Variants in EGFL6 observed in about 807,000 individuals in gnomAD.
EGFL6 encodes epidermal growth factor-like protein 6.
A neutral mutation model predicts 43.1 loss-of-function variants in EGFL6; 42 were observed. That is an observed-to-expected ratio of 0.98 (90% confidence interval 0.76 to 1.26). EGFL6 has a LOEUF of 1.26. Ranked by LOEUF, EGFL6 falls within the 50% of genes most tolerant of loss-of-function variation. EGFL6 has a pLI of 0.00. For synonymous variants in EGFL6, 164 were observed against 163.2 expected, an observed-to-expected ratio of 1.01 and a Z score of -0.04; for missense variants, 429 against 427.8, an observed-to-expected ratio of 1.00 and a Z score of -0.02.
intron 2 of EGFL6, among the ~76,000 whole-genome samples, chrX:13,593,135 A>C (rs1019531122): frequency 9.1e-6 from 1 of 109,935 alleles, no homozygotes; most frequent in Non-Finnish European, 1.9e-5. Context: ...GGCTGGTCTC[A>C]AACTCCTGAC....
At chrX:13,584,230 C>A (rs1206568872) in intron 1 of EGFL6, among the ~76,000 whole-genome samples, 1 of 111,437 alleles carries the variant, frequency 9.0e-6, no homozygotes, top group Non-Finnish European at 1.9e-5. Context: ...TCCTGACCAC[C>A]ATGTTATGCA....
intron 4 of EGFL6, among the ~76,000 whole-genome samples, 186 bp downstream of exon 4, chrX:13,600,280 CTTTTTTT>C (rs1231725425): frequency 6.3e-4 from 28 of 44,279 alleles, no homozygotes; most frequent in Non-Finnish European, 9.0e-4. Context: ...TTTCTTTCTT[CTTTTTTT>C]TTTTTTTTTT....
chrX:13,583,100 C>T (rs1409065338), intron 1 of EGFL6, among the ~76,000 whole-genome samples: 2 of 109,754 alleles, frequency 1.8e-5, no homozygotes, highest in Admixed American at 9.7e-5. Context: ...TTTCTTTTGC[C>T]CCCTGCTGTT....
chrX:13,585,557 T>G (rs1169698968), intron 1 of EGFL6, among the ~76,000 whole-genome samples: 2 of 111,011 alleles, frequency 1.8e-5, no homozygotes, highest in Non-Finnish European at 1.9e-5. Flanking sequence ...TATTGAGGAT[T>G]ATACTGATTT....
rs113392785 is a variant in EGFL6 at position 13,602,974 on chromosome X, A to T, written c.401-343A>T. On this transcript the variant is annotated intron_variant, in intron 4 of 11. Transcript: ENST00000361306. Reference sequence around the variant, plus strand: ...TTGATAATCTCCATCAGCAGTTGCAATTCAACCTACTGAGGCCAGCCAGGT... The same window carrying T: ...TTGATAATCTCCATCAGCAGTTGCATTTCAACCTACTGAGGCCAGCCAGGT... Among the ~76,000 whole-genome samples, 529 of 112,152 alleles carry T rather than the reference A, an allele frequency of 4.7e-3. 6 individuals are homozygous for T. The highest frequency in any genetic ancestry group is 0.031 in the Admixed American group (327 of 10,598).
intron 4 of EGFL6, 27 bp from the exon 5 acceptor site, chrX:13,603,290 A>G (rs1478856157): frequency 1.7e-6 from 2 of 1,177,124 alleles, no homozygotes; most frequent in East Asian, 6.1e-5. Flanking sequence ...TCAAGAGAGA[A>G]AGGCTAATCC....
At position 13,569,917 on chromosome X, in the gene EGFL6, G is replaced by C; in HGVS notation, c.56G>C (p.Gly19Ala). The C allele has an allele frequency of 8.3e-7, 1 of 1,212,010 alleles. No individual in the cohort carries two copies. Among genetic ancestry groups the C allele is most frequent in the Non-Finnish European group, 1.1e-6 (1 of 895,404 alleles). ...CTGCTGCTCTCCTGGGTGGCAGGTG[G>C]TTTCGGGAACGCGGCCAGGTGAGTG... ...LPLLLSWVAG[G>A]FGNAASARHH... The change falls in exon 1 of 12, where the codon GGT becomes GCT. Residue 19 changes from glycine (G) to alanine (A), a missense_variant. By Grantham distance (60) the Gly-to-Ala change is moderately conservative. Coordinates refer to ENST00000361306, the MANE Select transcript of EGFL6 (RefSeq NM_015507.4).
chrX:13,587,434 G>A (rs2045539652), intron 1 of EGFL6, among the ~76,000 whole-genome samples: 1 of 110,902 alleles, frequency 9.0e-6, no homozygotes, highest in Admixed American at 9.6e-5. Flanking sequence ...GTTGTACTTG[G>A]GGTACCCATC....
At chrX:13,620,808 C>T (rs192837679) in intron 9 of EGFL6, among the ~76,000 whole-genome samples, 5 of 111,582 alleles carry the variant, frequency 4.5e-5, no homozygotes, top group South Asian at 3.7e-4. Context: ...TGAAGGAATC[C>T]GTTGACTCCT....
intron 5 of EGFL6, among the ~76,000 whole-genome samples, chrX:13,604,544 C>T (rs2045649979): frequency 8.9e-6 from 1 of 111,758 alleles, no homozygotes; most frequent in Non-Finnish European, 1.9e-5. Context: ...GGTATGGAAA[C>T]TTGAGTGCTG....
chrX:13,577,363 G>A (rs1158884909), intron 1 of EGFL6, among the ~76,000 whole-genome samples: 3 of 81,624 alleles, frequency 3.7e-5, no homozygotes, highest in African/African-American at 1.4e-4. Flanking sequence ...CACACATACA[G>A]TATAGCATTT....
chrX:13,584,125 G>C (rs1227834811), intron 1 of EGFL6, among the ~76,000 whole-genome samples: 1 of 111,955 alleles, frequency 8.9e-6, no homozygotes, highest in African/African-American at 3.2e-5. Flanking sequence ...TTTTAGAAAA[G>C]AGATAGCTAA....
Position 13,631,427 on chromosome X carries a change from G to A in EGFL6, c.1552-1558G>A, listed in dbSNP as rs145157584. The stretch of plus-strand genomic sequence containing the variant: ...ATTGAATTTAACAAATATTTCTAGT[G>A]TTTTATCTGATTATAAAATTAACAT... On this transcript the variant is annotated intron_variant, in intron 11 of 11. Transcript: ENST00000361306. Among the ~76,000 whole-genome samples, 29 of 110,484 alleles carry A rather than the reference G, an allele frequency of 2.6e-4. No homozygotes were observed. The East Asian group carries it at 7.8e-3, about 30-fold the overall frequency.
At chrX:13,599,678 G>A (rs2045621073) in intron 3 of EGFL6, among the ~76,000 whole-genome samples, 1 of 108,760 alleles carries the variant, frequency 9.2e-6, no homozygotes, top group South Asian at 4.0e-4. Context: ...GAAATCCCAG[G>A]ACTGGAATTT....
At chrX:13,599,578 TTATC>T (rs760691260) in intron 3 of EGFL6, among the ~76,000 whole-genome samples, 3 of 109,506 alleles carry the variant, frequency 2.7e-5, no homozygotes, top group Non-Finnish European at 5.7e-5. Flanking sequence ...TACAAGTCAT[TTATC>T]TATTCTTCTG....
intron 3 of EGFL6, among the ~76,000 whole-genome samples, chrX:13,598,574 G>GTTA (rs2045613368): frequency 9.2e-6 from 1 of 108,529 alleles, no homozygotes; most frequent in Non-Finnish European, 1.9e-5. Context: ...TGTTGTTGTT[G>GTTA]TTGTTGTTGT....
intron 2 of EGFL6, among the ~76,000 whole-genome samples, chrX:13,591,766 A>G (rs1043953820): frequency 1.8e-5 from 2 of 110,926 alleles, no homozygotes; most frequent in African/African-American, 6.6e-5. Flanking sequence ...CCCTGCCTCT[A>G]TGTATCCTGG....
At position 13,569,940 on chromosome X, in the gene EGFL6, G is replaced by C. The variant is rs768339253; in HGVS notation, c.74+5G>C. 7.4e-6 allele frequency: 9 copies of C among 1,208,963 alleles called. No homozygotes were observed. The highest frequency in any genetic ancestry group is 3.5e-5 in the African/African-American group (2 of 57,452). On this transcript the variant is annotated splice_donor_5th_base_variant and intron_variant, in intron 1 of 11. Transcript: ENST00000361306. ...TGGTTTCGGGAACGCGGCCAGGTGAGTGTCTGACTGGCGATTGGCTTCCCC... is the reference window on the plus strand; with the variant it reads ...TGGTTTCGGGAACGCGGCCAGGTGACTGTCTGACTGGCGATTGGCTTCCCC...
chrX:13,574,376 C>T (rs1292623780), intron 1 of EGFL6, among the ~76,000 whole-genome samples: 2 of 111,826 alleles, frequency 1.8e-5, no homozygotes, highest in Non-Finnish European at 3.8e-5. Context: ...GGAACTACCA[C>T]TGATGAACTT....
Sources: allele counts gnomAD v4.1 joint callset (sites outside exome capture counted in the v4.1 genomes callset), GRCh38; gene constraint gnomAD v4.1.1; transcripts MANE v1.5; gene names NCBI Gene and HGNC (gene_info 2026-07-23, HGNC 2026-07-21).